JPH4: variants seen among roughly 807,000 people sequenced by gnomAD.
The protein encoded by JPH4 is junctophilin 4, also known as junctophilin-4.
JPH4 carries 18 observed loss-of-function variants against 57.6 expected under a neutral mutation model. The ratio of observed to expected loss-of-function variants is 0.31; its 90% CI spans 0.22 to 0.46. The LOEUF is 0.46. Ranked by LOEUF, JPH4 falls within the 20% of genes least tolerant of loss-of-function variation. The pLI, the probability that JPH4 is intolerant of heterozygous loss-of-function variation, is 1.00. For synonymous variants in JPH4, 425 were observed against 406.6 expected, an observed-to-expected ratio of 1.05 and a Z score of -0.54; for missense variants, 727 against 911.1, an observed-to-expected ratio of 0.80 and a Z score of 2.60.
At position 23,576,347 on chromosome 14, in the gene JPH4, C is replaced by T; in HGVS notation, c.489G>A (p.Leu163=). The part of the protein sequence containing the change: ...ALLRSPRRTS[L]DSGHSDPPTP... ...TCGGGGGGTCGCTGTGGCCGGAATC[C>T]AGGGAGGTGCGGCGGGGCGAGCGCA... Residue 163 remains leucine, a synonymous_variant, in exon 3 of 6, where the codon CTG becomes CTA. Coordinates refer to ENST00000356300, the MANE Select transcript of JPH4 (RefSeq NM_001146028.2). The surrounding 1 kb of genome is among the most constrained non-coding windows in gnomAD (Gnocchi z 8.0). The T allele has an allele frequency of 7.5e-7, 1 of 1,328,024 alleles. No individual in the cohort carries two copies. The highest frequency in any genetic ancestry group is 9.6e-7 in the Non-Finnish European group (1 of 1,042,822). 82.3% of individuals were successfully genotyped at this position (1,328,024 alleles called of 1,614,324 possible).
Position 23,571,229 on chromosome 14 carries a change from C to T in JPH4, c.1502G>A (p.Gly501Glu), listed in dbSNP as rs778527705. 1.2e-6 allele frequency: 2 copies of T among 1,611,950 alleles called. No homozygotes were observed. Among genetic ancestry groups the T allele is most frequent in the Non-Finnish European group, 8.5e-7 (1 of 1,178,880 alleles). Residue 501 changes from glycine (G) to glutamate (E), a missense_variant, in exon 5 of 6, where the codon GGG (glycine) becomes GAG (glutamate). This residue lies in a region of JPH4 where 293 missense variants were observed against 279.8 expected (regional missense o/e 1.05). Transcript: ENST00000356300. The surrounding 1 kb of genome is among the most constrained non-coding windows in gnomAD (Gnocchi z 4.6). ...SPKAWPEEWG[G>E]AGAQAEELAG... is the part of the protein sequence containing the mutation. The stretch of plus-strand genomic sequence containing the variant: ...TAGTTCCTCTGCCTGTGCGCCTGCC[C>T]CCCCCCACTCCTCAGGCCAAGCTTT...
intron 3 of JPH4, among the ~76,000 whole-genome samples, chr14:23,573,203 G>T (rs7141146): frequency 1.1e-3 from 168 of 152,258 alleles, no homozygotes; most frequent in African/African-American, 3.9e-3. Context: ...ATGTTCTTTG[G>T]GAGCCGTGAT....
rs931961335 is a variant in JPH4 at position 23,576,980 on chromosome 14, G to A, written c.379+95C>T. ...GGGGAATGGTGGCGGGGGAAAGAAG[G>A]ATGGGCGCAAGGGCGCAAATGGCGG... On this transcript the variant is annotated intron_variant, in intron 2 of 5. Transcript: ENST00000356300. This position sits in a 1 kb window ranked among gnomAD's most constrained non-coding sequence, Gnocchi z 8.0. The A allele has an allele frequency of 1.1e-5, 15 of 1,363,220 alleles. No homozygotes were observed. The highest frequency in any genetic ancestry group is 1.4e-5 in the Non-Finnish European group (15 of 1,044,792). The allele number at this position is 1,363,220 out of a possible 1,614,324, so 84.4% of individuals were successfully genotyped here.
chr14:23,575,807 G>T lies in JPH4; in HGVS notation c.1029C>A (p.Val343=). 6.3e-7 allele frequency: 1 copy of T among 1,581,310 alleles called. No individual in the cohort carries two copies. Among genetic ancestry groups the T allele is most frequent in the Non-Finnish European group, 8.6e-7 (1 of 1,166,158 alleles). ...GAAGGGCCAGAGGCAGGAGACTGCG[G>T]ACGCGCCCGCCGTGCACCAGCCGGT... ...KRNRLVHGGR[V]RSLLPLALRR... The change falls in exon 3 of 6, where the codon GTC becomes GTA. Residue 343 remains valine (V), a synonymous_variant. Transcript: ENST00000356300. This position sits in a 1 kb window ranked among gnomAD's most constrained non-coding sequence, Gnocchi z 6.9.
rs1181815692 is a variant in JPH4, at chr14:23,571,772, C to T, written c.1270+30G>A. 6.3e-7 allele frequency: 1 copy of T among 1,589,352 alleles called. No individual in the cohort carries two copies. The highest frequency in any genetic ancestry group is 1.1e-5 in the South Asian group (1 of 90,680). ...CCTCTCTAGCTCCCTAGGGGCCTCACTGCCCTCCCCCCAGCTGTCCATGCC... is the reference window on the plus strand; with the variant it reads ...CCTCTCTAGCTCCCTAGGGGCCTCATTGCCCTCCCCCCAGCTGTCCATGCC... On this transcript the variant is annotated intron_variant, in intron 4 of 5. Transcript: ENST00000356300. The surrounding 1 kb of genome is among the most constrained non-coding windows in gnomAD (Gnocchi z 4.6).
chr14:23,576,549 C>A lies in JPH4; in HGVS notation c.380-93G>T. ...CAAGCGCCCCTGGAAGCCCAAGCGTCAGGCGGGAGAGATGGAGGCAGTTAG... is the reference window on the plus strand; with the variant it reads ...CAAGCGCCCCTGGAAGCCCAAGCGTAAGGCGGGAGAGATGGAGGCAGTTAG... On this transcript the variant is annotated intron_variant, in intron 2 of 5. Coordinates refer to ENST00000356300, the MANE Select transcript of JPH4 (RefSeq NM_001146028.2). The surrounding 1 kb of genome is among the most constrained non-coding windows in gnomAD (Gnocchi z 8.0). 8.9e-7 allele frequency: 1 copy of A among 1,118,716 alleles called. No individual in the cohort carries two copies. The highest frequency in any genetic ancestry group is 2.7e-5 in the South Asian group (1 of 37,264). 69.3% of individuals were successfully genotyped at this position (1,118,716 alleles called of 1,614,324 possible). A position where few individuals can be genotyped will look rare whatever the true frequency, so the allele number is the denominator to read the frequency against.
chr14:23,568,144 A>C lies in JPH4; in HGVS notation c.*1490T>G. 3 of 985,780 alleles carry C rather than the reference A, an allele frequency of 3.0e-6. No homozygotes were observed. The highest frequency in any genetic ancestry group is 3.6e-6 in the Non-Finnish European group (3 of 829,890). 61.1% of individuals were successfully genotyped at this position (985,780 alleles called of 1,614,324 possible). A position where few individuals can be genotyped will look rare whatever the true frequency, so the allele number is the denominator to read the frequency against. On this transcript the variant is annotated 3_prime_UTR_variant, in exon 6 of 6. Coordinates refer to ENST00000356300, the MANE Select transcript of JPH4 (RefSeq NM_001146028.2). ...CTGTTGTAGTTTAACTTCAATCCCA[A>C]ATTCCATGAAATAGAAATCAGAAGT...
At position 23,569,741 on chromosome 14, in the gene JPH4, G is replaced by C. The variant is rs776314618; in HGVS notation, c.1804-24C>G. 1 of 1,506,808 alleles carries C rather than the reference G, an allele frequency of 6.6e-7. No homozygotes were observed. The highest frequency in any genetic ancestry group is 1.2e-5 in the South Asian group (1 of 82,554). The allele number at this position is 1,506,808 out of a possible 1,614,324, so 93.3% of individuals were successfully genotyped here. On this transcript the variant is annotated intron_variant, in intron 5 of 5. Coordinates refer to ENST00000356300, the MANE Select transcript of JPH4 (RefSeq NM_001146028.2). The surrounding 1 kb of genome is among the most constrained non-coding windows in gnomAD (Gnocchi z 4.8). The stretch of plus-strand genomic sequence containing the variant: ...CCCTAGAGAGACAGAGGGGGAAGCA[G>C]ACTCAGTCCCCGAGGACAGGGCCCA...
At chr14:23,574,143 T>C (rs532578918) in intron 3 of JPH4, among the ~76,000 whole-genome samples, 4 of 152,018 alleles carry the variant, frequency 2.6e-5, no homozygotes, top group African/African-American at 9.6e-5. Flanking sequence ...GGTCTATGAA[T>C]CTCATTACAA....
chr14:23,576,472 G>T lies in JPH4; in HGVS notation c.380-16C>A. The T allele has an allele frequency of 7.2e-7, 1 of 1,398,026 alleles. No homozygotes were observed. The highest frequency in any genetic ancestry group is 9.2e-7 in the Non-Finnish European group (1 of 1,085,234). 86.6% of individuals were successfully genotyped at this position (1,398,026 alleles called of 1,614,324 possible). A position where few individuals can be genotyped will look rare whatever the true frequency, so the allele number is the denominator to read the frequency against. On this transcript the variant is annotated splice_polypyrimidine_tract_variant and intron_variant, in intron 2 of 5. Transcript: ENST00000356300. The surrounding 1 kb of genome is among the most constrained non-coding windows in gnomAD (Gnocchi z 8.0). ...TGGTAGGTGCCTGCGGGCGGCGGAGGGGTGGGAGAAAGAGTCAGGACGTGC... is the reference window on the plus strand; with the variant it reads ...TGGTAGGTGCCTGCGGGCGGCGGAGTGGTGGGAGAAAGAGTCAGGACGTGC...
chr14:23,570,794 A>T, intron 5 of JPH4, 134 bp downstream of exon 5: 1 of 838,490 alleles, frequency 1.2e-6, no homozygotes, highest in Non-Finnish European at 1.7e-6. Context: ...TTGAGGTGGG[A>T]TGTGGTCCAA....
chr14:23,571,196 T>C lies in JPH4; in HGVS notation c.1535A>G (p.Tyr512Cys). Residue 512 changes from tyrosine (Y) to cysteine (C), a missense_variant, in exon 5 of 6, where the codon TAT becomes TGT. Coordinates refer to ENST00000356300, the MANE Select transcript of JPH4 (RefSeq NM_001146028.2). The surrounding 1 kb of genome is among the most constrained non-coding windows in gnomAD (Gnocchi z 4.6). ...AGAQAEELAG[Y>C]EAEDEAGMQG... is the part of the protein sequence containing the mutation. ...CATCCCAGCCTCATCCTCAGCCTCATAGCCAGCTAGTTCCTCTGCCTGTGC... is the reference window on the plus strand; with the variant it reads ...CATCCCAGCCTCATCCTCAGCCTCACAGCCAGCTAGTTCCTCTGCCTGTGC... 4 of 1,613,924 alleles carry C rather than the reference T, an allele frequency of 2.5e-6. No individual in the cohort carries two copies. In the South Asian group the frequency reaches 4.4e-5, roughly 18 times the overall value.
rs1412906814 is a variant in JPH4, at chr14:23,568,113, G to T, written c.*1521C>A. The T allele has an allele frequency of 4.1e-6, 4 of 985,206 alleles. No homozygotes were observed. The African/African-American group carries it at 7.0e-5, about 17-fold the overall frequency. The allele number at this position is 985,206 out of a possible 1,614,324, so 61.0% of individuals were successfully genotyped here. A position where few individuals can be genotyped will look rare whatever the true frequency, so the allele number is the denominator to read the frequency against. ...TTTTTTCCTGCAAGACTTGGTGTTG[G>T]CGGCACTGTTGTAGTTTAACTTCAA... On this transcript the variant is annotated 3_prime_UTR_variant, in exon 6 of 6. Transcript: ENST00000356300.
At position 23,576,006 on chromosome 14, in the gene JPH4, G is replaced by A; in HGVS notation, c.830C>T (p.Ser277Leu). Residue 277 changes from serine to leucine, a missense_variant, in exon 3 of 6, where the codon TCG (serine) becomes TTG (leucine). Ser to Leu is a moderately radical substitution (Grantham distance 145). This residue lies in a region of JPH4 where 112 missense variants were observed against 199.4 expected (regional missense o/e 0.56). Coordinates refer to ENST00000356300, the MANE Select transcript of JPH4 (RefSeq NM_001146028.2). The surrounding 1 kb of genome is among the most constrained non-coding windows in gnomAD (Gnocchi z 8.0). ...CTCGCCCGCGTACACCTCTGTGGCC[G>A]AGCCCTCGATGAGGGCGGGCGGCGC... ...AAAPPALIEG[S>L]ATEVYAGEWR... 4 of 1,432,766 alleles carry A rather than the reference G, an allele frequency of 2.8e-6. No homozygotes were observed. The highest frequency in any genetic ancestry group is 1.8e-6 in the Non-Finnish European group (2 of 1,102,002). 88.8% of individuals were successfully genotyped at this position (1,432,766 alleles called of 1,614,324 possible).
Position 23,576,372 on chromosome 14 carries a change from AGCAGCGCCGCCTGATGGTAGG to A in JPH4, c.443_463del (p.Pro148_Leu154del). The A allele has an allele frequency of 7.3e-7, 1 of 1,366,026 alleles. No individual in the cohort carries two copies. The highest frequency in any genetic ancestry group is 9.4e-7 in the Non-Finnish European group (1 of 1,064,478). 84.6% of individuals were successfully genotyped at this position (1,366,026 alleles called of 1,614,324 possible). ...CAGGGAGGTGCGGCGGGGCGAGCGC[AGCAGCGCCGCCTGATGGTAGG>A]GCACACTCTGGCGTACCCCGTAGCC... is the stretch of plus-strand genomic sequence containing the variant. On this transcript the variant is annotated inframe_deletion, in exon 3 of 6. Transcript: ENST00000356300. This position sits in a 1 kb window ranked among gnomAD's most constrained non-coding sequence, Gnocchi z 8.0.
intron 5 of JPH4, 121 bp downstream of exon 5, chr14:23,570,807 C>T (rs1889113430): frequency 1.9e-6 from 2 of 1,052,632 alleles, no homozygotes; most frequent in Non-Finnish European, 2.6e-6. Flanking sequence ...TGGTCCAAGA[C>T]TGGCCAGGCA....
chr14:23,572,057 C>T (rs773708805), intron 3 of JPH4, 137 bp from the exon 4 acceptor site: 76 of 755,948 alleles, frequency 1.0e-4, no homozygotes, highest in Non-Finnish European at 1.6e-4. Context: ...CCCTTCGCCA[C>T]ACTCTGCCAG....
In JPH4 at chr14:23,577,581, G is replaced by T. The variant is rs1328054753; in HGVS notation, c.-128C>A. Reference sequence around the variant, plus strand: ...CAGTTAGACCGGGGCCGGGCGGGGGGGCCCCAGCGAGGGCAGGCAGGGCCG... The same window carrying T: ...CAGTTAGACCGGGGCCGGGCGGGGGTGCCCCAGCGAGGGCAGGCAGGGCCG... On this transcript the variant is annotated 5_prime_UTR_variant, in exon 2 of 6. Transcript: ENST00000356300. This position sits in a 1 kb window ranked among gnomAD's most constrained non-coding sequence, Gnocchi z 8.4. 11 of 771,982 alleles carry T rather than the reference G, an allele frequency of 1.4e-5. No individual in the cohort carries two copies. The highest frequency in any genetic ancestry group is 4.1e-5 in the Admixed American group (1 of 24,122). 47.8% of individuals were successfully genotyped at this position (771,982 alleles called of 1,614,324 possible).
chr14:23,574,114 G>A (rs1889216263), intron 3 of JPH4, among the ~76,000 whole-genome samples: 1 of 151,466 alleles, frequency 6.6e-6, no homozygotes, highest in African/African-American at 2.4e-5. Context: ...ATTCAAATAT[G>A]TGAGTTGTAT....
Sources: gnomAD v4.1 joint callset for allele counts (sites outside exome capture counted in the v4.1 genomes callset) on GRCh38, gnomAD v4.1.1 for gene constraint, gnomAD v4.1.1 regional missense constraint, Gnocchi (gnomAD v3.1) non-coding constraint, MANE v1.5 for transcripts, NCBI Gene and HGNC (gene_info 2026-07-23, HGNC 2026-07-21) for gene names.